COQ8B: variants seen among roughly 807,000 people sequenced by gnomAD.
The protein encoded by COQ8B is atypical kinase COQ8B, mitochondrial.
COQ8B carries 44 observed loss-of-function variants against 62.0 expected under a neutral mutation model. The ratio of observed to expected loss-of-function variants is 0.71; its 90% CI spans 0.56 to 0.91. COQ8B has a LOEUF of 0.91. COQ8B is among the 40% of genes least tolerant of loss of function. The pLI is 0.00. For synonymous variants in COQ8B, 252 were observed against 289.9 expected, an observed-to-expected ratio of 0.87 and a Z score of 1.33; for missense variants, 649 against 731.6, an observed-to-expected ratio of 0.89 and a Z score of 1.30.
At chr19:40,698,752 T>C (rs969998691) in intron 12 of COQ8B, among the ~76,000 whole-genome samples, 1 of 152,132 alleles carries the variant, frequency 6.6e-6, no homozygotes, top group Non-Finnish European at 1.5e-5. Flanking sequence ...CTGAGGGGGC[T>C]GTGAAGCTGT....
chr19:40,712,404 C>T (rs2082148820), intron 4 of COQ8B, among the ~76,000 whole-genome samples: 1 of 144,582 alleles, frequency 6.9e-6, no homozygotes, highest in Non-Finnish European at 1.5e-5. Context: ...GAAACCCTGT[C>T]TCCCTAAGAA....
At chr19:40,709,268 T>C (rs1290544188) in intron 5 of COQ8B, among the ~76,000 whole-genome samples, 4 of 152,248 alleles carry the variant, frequency 2.6e-5, no homozygotes, top group Non-Finnish European at 1.5e-5. Flanking sequence ...ATGGCTGTTT[T>C]TTCCAAACTG....
At chr19:40,709,782 C>T (rs2082126826) in intron 5 of COQ8B, among the ~76,000 whole-genome samples, 1 of 152,022 alleles carries the variant, frequency 6.6e-6, no homozygotes, top group Admixed American at 6.6e-5. Context: ...GTGGAGGTTG[C>T]AGTGAGCCAA....
At chr19:40,710,227 C>A in intron 4 of COQ8B, 91 bp from the exon 5 acceptor site, 2 of 1,170,298 alleles carry the variant, frequency 1.7e-6, no homozygotes, top group Non-Finnish European at 2.5e-6. Flanking sequence ...TCCAAGAATG[C>A]TTGTCTCCCA....
intron 4 of COQ8B, 112 bp from the exon 5 acceptor site, chr19:40,710,248 T>A (rs2082130518): frequency 9.5e-7 from 1 of 1,053,948 alleles, no homozygotes; most frequent in Non-Finnish European, 1.4e-6. Context: ...ACTCTTTTTA[T>A]TTTTTCTTTT....
intron 1 of COQ8B, chr19:40,715,798 G>C (rs535919659): frequency 5.4e-6 from 1 of 183,594 alleles, no homozygotes; most frequent in South Asian, 1.9e-4. Context: ...GCTGAGTCAG[G>C]AACCTTGGCA....
intron 4 of COQ8B, among the ~76,000 whole-genome samples, chr19:40,712,490 A>C (rs1320018902): frequency 6.6e-6 from 1 of 151,816 alleles, no homozygotes; most frequent in Non-Finnish European, 1.5e-5. Flanking sequence ...CAGGAGGCTG[A>C]GGCAGGAGAA....
At position 40,702,676 on chromosome 19, in the gene COQ8B, T is replaced by C. The variant is rs2082069590; in HGVS notation, c.817A>G (p.Ser273Gly). The change falls in exon 10 of 15, where the codon AGC (serine) becomes GGC (glycine). Residue 273 changes from serine to glycine, a missense_variant. By Grantham distance (56) the Ser-to-Gly change is moderately conservative. Transcript: ENST00000324464. ...ALPAGLFAEQ[S>G]LQALQQELAW... is the part of the protein sequence containing the mutation. ...AGCTCCTGCTGCAAGGCCTGCAGGC[T>C]CTGCTCGGCAAACAGGCCTGTGGGG... is the stretch of plus-strand genomic sequence containing the variant. The C allele has an allele frequency of 6.2e-7, 1 of 1,609,434 alleles. No homozygotes were observed. Among genetic ancestry groups the C allele is most frequent in the South Asian group, 1.1e-5 (1 of 91,076 alleles).
intron 10 of COQ8B, 63 bp from the exon 11 acceptor site, chr19:40,700,514 C>A: frequency 6.4e-7 from 1 of 1,566,968 alleles, no homozygotes; most frequent in Non-Finnish European, 8.7e-7. Flanking sequence ...CAGCTTGAGA[C>A]CTCCTCCTTG....
intron 12 of COQ8B, among the ~76,000 whole-genome samples, chr19:40,697,851 T>TATATAGAGAGAGAGAGAGAG (rs1446181673): frequency 5.5e-5 from 3 of 54,726 alleles, no homozygotes; most frequent in Admixed American, 2.0e-4. Context: ...TATATATATA[T>TATATAGAGAGAGAGAGAGAG]AGAGAGAGAG....
At chr19:40,708,930 C>CAA (rs59768127) in intron 5 of COQ8B, among the ~76,000 whole-genome samples, 31 of 144,758 alleles carry the variant, frequency 2.1e-4, no homozygotes, top group Admixed American at 6.9e-4. Flanking sequence ...ACCCTGTCTC[C>CAA]AAAAAAAAAA....
At position 40,705,410 on chromosome 19, in the gene COQ8B, C is replaced by T. The variant is rs376676303; in HGVS notation, c.405G>A (p.Ser135=). The change falls in exon 6 of 15, where the codon TCG becomes TCA. Residue 135 remains serine, a synonymous_variant. Coordinates refer to ENST00000324464, the MANE Select transcript of COQ8B (RefSeq NM_024876.4). ...GSGLDSSPFL[S]EANAERIVQT... ...GCACAATCCGCTCGGCATTGGCCTCCGACAGGAAGGGGCTGGAGTCCAGCC... is the reference window on the plus strand; with the variant it reads ...GCACAATCCGCTCGGCATTGGCCTCTGACAGGAAGGGGCTGGAGTCCAGCC... 98 of 1,591,714 alleles carry T rather than the reference C, an allele frequency of 6.2e-5. No homozygotes were observed. In the Admixed American group the frequency reaches 1.0e-3, roughly 17 times the overall value.
intron 9 of COQ8B, 22 bp downstream of exon 9, chr19:40,703,519 G>A (rs1402655027): frequency 3.8e-6 from 6 of 1,587,328 alleles, no homozygotes; most frequent in Non-Finnish European, 4.3e-6. Flanking sequence ...GAGGTCAGCA[G>A]AGGAGTGGGT....
intron 5 of COQ8B, among the ~76,000 whole-genome samples, chr19:40,709,497 C>T (rs1307419111): frequency 6.6e-6 from 1 of 152,174 alleles, no homozygotes; most frequent in Non-Finnish European, 1.5e-5. Context: ...CTATTTTCAG[C>T]TTTCTGCTCC....
chr19:40,703,241 T>G, intron 9 of COQ8B: 1 of 385,562 alleles, frequency 2.6e-6, no homozygotes, highest in Non-Finnish European at 4.7e-6. Context: ...GGACTGTCCT[T>G]TTCTGCTCTG....
chr19:40,705,241 G>A (rs1274957947), intron 6 of COQ8B, 60 bp from the exon 7 acceptor site: 2 of 1,597,060 alleles, frequency 1.3e-6, no homozygotes, highest in Non-Finnish European at 1.7e-6. Flanking sequence ...GACCCCGTGT[G>A]AGTATCTGAA....
At chr19:40,701,684 C>T (rs1010491380) in intron 10 of COQ8B, among the ~76,000 whole-genome samples, 2 of 152,204 alleles carry the variant, frequency 1.3e-5, no homozygotes, top group African/African-American at 4.8e-5. Flanking sequence ...TCTCTGGAGG[C>T]CACTGTACAG....
chr19:40,715,096 CT>C (rs2082175678), intron 1 of COQ8B: 5 of 988,304 alleles, frequency 5.1e-6, no homozygotes, highest in Non-Finnish European at 6.0e-6. Context: ...TGGGGCCCTC[CT>C]GTGCTTCCGG....
intron 4 of COQ8B, among the ~76,000 whole-genome samples, chr19:40,711,068 T>C (rs2082137315): frequency 6.7e-6 from 1 of 148,156 alleles, no homozygotes; most frequent in South Asian, 2.2e-4. Context: ...GAGACAGAGG[T>C]TGCGGTGAGC....
Sources: allele counts gnomAD v4.1 joint callset (sites outside exome capture counted in the v4.1 genomes callset), GRCh38; gene constraint gnomAD v4.1.1; transcripts MANE v1.5; gene names NCBI Gene and HGNC (gene_info 2026-07-23, HGNC 2026-07-21).